DKC1: variants seen among roughly 807,000 people sequenced by gnomAD.
The protein encoded by DKC1 is H/ACA ribonucleoprotein complex subunit DKC1.
Under a neutral mutation model 46.7 loss-of-function variants are expected in DKC1, and 4 were observed. The ratio of observed to expected loss-of-function variants is 0.09; its 90% CI spans 0.04 to 0.20. The LOEUF (loss-of-function observed/expected upper bound fraction) is 0.20. Ranked by LOEUF, DKC1 falls within the 10% of genes least tolerant of loss-of-function variation. The pLI is 1.00. For missense variants in DKC1, 171 were observed against 404.2 expected, an observed-to-expected ratio of 0.42 and a Z score of 4.95; for synonymous variants, 141 against 142.4, an observed-to-expected ratio of 0.99 and a Z score of 0.07.
At chrX:154,776,372 T>G in intron 14 of DKC1, 48 bp downstream of exon 14, 1 of 1,162,360 alleles carries the variant, frequency 8.6e-7, no homozygotes, top group Non-Finnish European at 1.2e-6. Flanking sequence ...AGTCCCTGCG[T>G]GGGGAAAGAA....
At chrX:154,774,875 A>T in intron 12 of DKC1, 170 bp downstream of exon 12, 1 of 573,553 alleles carries the variant, frequency 1.7e-6, no homozygotes, top group Non-Finnish European at 3.2e-6. Context: ...GAGGTTGTAG[A>T]GCCCAGGGGA....
intron 8 of DKC1, 58 bp downstream of exon 8, chrX:154,768,490 A>G: frequency 8.4e-7 from 1 of 1,184,245 alleles, no homozygotes; most frequent in Non-Finnish European, 1.1e-6. Flanking sequence ...CCAGCCTTTG[A>G]TGGCACTCCA....
chrX:154,773,333 TGG>T, intron 11 of DKC1, 84 bp downstream of exon 11: 3 of 486,708 alleles, frequency 6.2e-6, no homozygotes. Flanking sequence ...TGATAATTCT[TGG>T]GTGTTTCTCA....
At chrX:154,770,467 T>TAAAAA (rs150045442) in intron 9 of DKC1, among the ~76,000 whole-genome samples, 3 of 67,785 alleles carry the variant, frequency 4.4e-5, no homozygotes, top group Non-Finnish European at 7.9e-5. Context: ...GCCTGAAAAT[T>TAAAAA]AAAAAAAAAA....
chrX:154,763,986 C>G (rs1239783342), intron 1 of DKC1, among the ~76,000 whole-genome samples: 6 of 110,225 alleles, frequency 5.4e-5, no homozygotes, highest in African/African-American at 1.7e-4. Flanking sequence ...TGGTGAAACC[C>G]CGTCTCTACT....
chrX:154,776,813 C>CAAGAAGAAG lies in DKC1; in HGVS notation c.1506_1514dup (p.Lys503_Lys505dup), dbSNP rs782576893. 1.4e-5 allele frequency: 17 copies of CAAGAAGAAG among 1,196,626 alleles called. No homozygotes were observed. The highest frequency in any genetic ancestry group is 1.8e-5 in the Non-Finnish European group (16 of 887,050). ...TTTCTTTCTAGGACAGTGATACCAC[C>CAAGAAGAAG]AAGAAGAAGAAGAAGAAGAAGAAAG... On this transcript the variant is annotated inframe_insertion, in exon 15 of 15. Coordinates refer to ENST00000369550, the MANE Select transcript of DKC1 (RefSeq NM_001363.5).
In DKC1 at chrX:154,762,896, C is replaced by G. The variant is rs900389845; in HGVS notation, c.-70C>G. The G allele has an allele frequency of 4.9e-4, 565 of 1,149,167 alleles. No individual in the cohort carries two copies. The highest frequency in any genetic ancestry group is 6.3e-4 in the Non-Finnish European group (543 of 856,441). The allele number at this position is 1,149,167 out of a possible 1,213,427, so 94.7% of individuals were successfully genotyped here. On this transcript the variant is annotated 5_prime_UTR_variant, in exon 1 of 15. Transcript: ENST00000369550. ...TCCTAGCAGCGCGGCCTGACGGGAC[C>G]AAGGCGGCGGGAGTCTGCGGTCGTT...
intron 1 of DKC1, 151 bp downstream of exon 1, chrX:154,763,132 T>C: frequency 1.4e-6 from 1 of 726,958 alleles, no homozygotes; most frequent in Admixed American, 2.7e-5. Context: ...GCCTTGTCTC[T>C]CGGCCCTGGC....
At chrX:154,773,454 C>T (rs1021956892) in intron 11 of DKC1, among the ~76,000 whole-genome samples, 33 of 109,131 alleles carry the variant, frequency 3.0e-4, no homozygotes, top group African/African-American at 1.0e-3. Flanking sequence ...TGCGGCCTTC[C>T]GCAGTGTCTG....
chrX:154,776,463 G>C (rs2071897655), intron 14 of DKC1, 139 bp downstream of exon 14: 1 of 904,908 alleles, frequency 1.1e-6, no homozygotes, highest in Non-Finnish European at 1.6e-6. Flanking sequence ...TGCCTTTAGT[G>C]CTTCCCCATG....
intron 2 of DKC1, chrX:154,765,220 C>T (rs782019309): frequency 1.0e-5 from 5 of 480,021 alleles, no homozygotes; most frequent in East Asian, 3.7e-5. Flanking sequence ...CCCACAGACC[C>T]GCCATCCCCC....
intron 8 of DKC1, 50 bp from the exon 9 acceptor site, chrX:154,769,117 G>A (rs1557264631): frequency 8.4e-7 from 1 of 1,193,667 alleles, no homozygotes; most frequent in African/African-American, 1.7e-5. Context: ...GGGTCTGATG[G>A]GCTGAGATAC....
At chrX:154,776,433 G>A in intron 14 of DKC1, 109 bp downstream of exon 14, 1 of 1,058,273 alleles carries the variant, frequency 9.4e-7, no homozygotes, top group Non-Finnish European at 1.3e-6. Flanking sequence ...GCTGTGGCCT[G>A]GGGGTGGGAT....
chrX:154,764,210 AT>A (rs2071717715), intron 1 of DKC1, among the ~76,000 whole-genome samples: 1 of 107,871 alleles, frequency 9.3e-6, no homozygotes, highest in Non-Finnish European at 1.9e-5. Context: ...TATGTATATT[AT>A]ATATGTATGT....
At chrX:154,775,390 G>A (rs1010897079) in intron 13 of DKC1, 117 bp downstream of exon 13, 11 of 725,219 alleles carry the variant, frequency 1.5e-5, no homozygotes, top group Admixed American at 2.4e-5. Flanking sequence ...TAGCATCAGA[G>A]GTGCAGCGCA....
chrX:154,762,895 C>T lies in DKC1; in HGVS notation c.-71C>T, dbSNP rs370861650. 1.1e-5 allele frequency: 13 copies of T among 1,147,139 alleles called. No individual in the cohort carries two copies. The East Asian group carries it at 4.2e-4, about 37-fold the overall frequency. 94.5% of individuals were successfully genotyped at this position (1,147,139 alleles called of 1,213,427 possible). On this transcript the variant is annotated 5_prime_UTR_variant, in exon 1 of 15. Transcript: ENST00000369550. ...GTCCTAGCAGCGCGGCCTGACGGGA[C>T]CAAGGCGGCGGGAGTCTGCGGTCGT...
chrX:154,763,015 C>T (rs1557263740), intron 1 of DKC1, 34 bp downstream of exon 1: 1 of 1,168,512 alleles, frequency 8.6e-7, no homozygotes, highest in Admixed American at 2.5e-5. Context: ...CGTGCTAACT[C>T]CGGGCGACTC....
chrX:154,774,788 G>A (rs2071874827), intron 12 of DKC1, 83 bp downstream of exon 12: 11 of 869,698 alleles, frequency 1.3e-5, no homozygotes, highest in Non-Finnish European at 1.9e-5. Context: ...AACAACAGGT[G>A]AGGATGGGAA....
At chrX:154,763,142 C>T (rs1371763306) in intron 1 of DKC1, among the ~76,000 whole-genome samples, 161 bp downstream of exon 1, 2 of 112,405 alleles carry the variant, frequency 1.8e-5, no homozygotes, top group Non-Finnish European at 3.8e-5. Flanking sequence ...TCGGCCCTGG[C>T]TCCGTGGCAA....
Sources: allele counts gnomAD v4.1 joint callset (sites outside exome capture counted in the v4.1 genomes callset), GRCh38; gene constraint gnomAD v4.1.1; transcripts MANE v1.5; gene names NCBI Gene and HGNC (gene_info 2026-07-23, HGNC 2026-07-21).